The following DOK5 variants were observed in gnomAD, a reference collection of about 807,000 sequenced individuals.
The protein encoded by DOK5 is docking protein 5, also known as downstream of tyrosine kinase 5.
Under a neutral mutation model 43.3 loss-of-function variants are expected in DOK5, and 27 were observed. The ratio of observed to expected loss-of-function variants is 0.62; its 90% CI spans 0.46 to 0.86. DOK5 has a LOEUF of 0.86. Among genes scored for constraint, DOK5 ranks in the 40% least tolerant of loss-of-function variants. The pLI is 0.00. For missense variants in DOK5, 373 were observed against 392.9 expected (o/e 0.95, Z 0.43); for synonymous variants, 146 against 140.1 (o/e 1.04, Z -0.30).
intron 6 of DOK5, among the ~76,000 whole-genome samples, chr20:54,635,118 G>A (rs1357518826): frequency 6.6e-6 from 1 of 152,168 alleles, no homozygotes; most frequent in East Asian, 1.9e-4. Flanking sequence ...AGGCAAAACT[G>A]ACCAGCATTA....
intron 6 of DOK5, among the ~76,000 whole-genome samples, chr20:54,618,354 T>A (rs1459088442): frequency 6.6e-6 from 1 of 152,052 alleles, no homozygotes; most frequent in Non-Finnish European, 1.5e-5. Context: ...TTTCCCTTTT[T>A]TTTTTTTGAG....
chr20:54,643,700 A>G (rs1979238350), intron 7 of DOK5, 122 bp downstream of exon 7: 5 of 1,331,096 alleles, frequency 3.8e-6, no homozygotes, highest in Non-Finnish European at 4.0e-6. Flanking sequence ...CAAAGGTAGG[A>G]CCCCCATCAA....
intron 2 of DOK5, among the ~76,000 whole-genome samples, chr20:54,560,680 G>C (rs529187423): frequency 6.6e-6 from 1 of 152,204 alleles, no homozygotes; most frequent in Non-Finnish European, 1.5e-5. Context: ...GAGCGCAATG[G>C]CACGATCTCG....
At chr20:54,532,407 C>T (rs1362839513) in intron 1 of DOK5, among the ~76,000 whole-genome samples, 3 of 152,096 alleles carry the variant, frequency 2.0e-5, no homozygotes, top group Non-Finnish European at 2.9e-5. Flanking sequence ...TTTCCTAGAA[C>T]AAGTAACATG....
At chr20:54,601,721 A>G (rs530870197) in intron 5 of DOK5, among the ~76,000 whole-genome samples, 1 of 152,322 alleles carries the variant, frequency 6.6e-6, no homozygotes, top group East Asian at 1.9e-4. Context: ...CACAGTCTGC[A>G]CTGGGGCCTT....
At position 54,589,547 on chromosome 20, in the gene DOK5, G is replaced by A. The variant is rs138619564; in HGVS notation, c.409+741G>A. On this transcript the variant is annotated intron_variant, in intron 4 of 7. Transcript: ENST00000262593. ...ATTTACAGAACAAACCTGGATGTGAGGAATCATTCCTTTGTCTCCTAACAG... is the reference window on the plus strand; with the variant it reads ...ATTTACAGAACAAACCTGGATGTGAAGAATCATTCCTTTGTCTCCTAACAG... Among the ~76,000 whole-genome samples, 236 of 152,290 alleles carry A rather than the reference G, an allele frequency of 1.5e-3. 2 individuals carry two copies. Among genetic ancestry groups the A allele is most frequent in the Non-Finnish European group, 2.2e-3 (151 of 68,018 alleles).
chr20:54,480,011 C>T (rs964323188), intron 1 of DOK5, among the ~76,000 whole-genome samples: 3 of 152,070 alleles, frequency 2.0e-5, no homozygotes, highest in Non-Finnish European at 4.4e-5. Flanking sequence ...GAACCCTCCT[C>T]ATCTCCTCCC....
chr20:54,544,952 A>G (rs1452457497), intron 1 of DOK5, among the ~76,000 whole-genome samples: 1 of 152,230 alleles, frequency 6.6e-6, no homozygotes, highest in Non-Finnish European at 1.5e-5. Context: ...CTTTATGCCT[A>G]CATCTTAGCA....
chr20:54,503,801 A>T (rs1419663842), intron 1 of DOK5, among the ~76,000 whole-genome samples: 1 of 152,124 alleles, frequency 6.6e-6, no homozygotes, highest in Non-Finnish European at 1.5e-5. Context: ...TAGTGCTGAA[A>T]CCTGACATCA....
chr20:54,492,914 G>A (rs938528907), intron 1 of DOK5, among the ~76,000 whole-genome samples: 1 of 151,846 alleles, frequency 6.6e-6, no homozygotes, highest in Non-Finnish European at 1.5e-5. Context: ...AGTTAGCCAG[G>A]AGTGGTGGCG....
At chr20:54,615,597 G>C (rs1986783639) in intron 6 of DOK5, among the ~76,000 whole-genome samples, 3 of 152,140 alleles carry the variant, frequency 2.0e-5, no homozygotes, top group Admixed American at 2.0e-4. Flanking sequence ...AAAGATGTTT[G>C]TGGCCTTGAG....
At chr20:54,564,720 G>C (rs1985035751) in intron 2 of DOK5, among the ~76,000 whole-genome samples, 1 of 152,218 alleles carries the variant, frequency 6.6e-6, no homozygotes, top group South Asian at 2.1e-4. Context: ...GGGGGCAGGA[G>C]TCACAAACGT....
intron 2 of DOK5, among the ~76,000 whole-genome samples, chr20:54,563,475 C>T (rs1364173830): frequency 1.3e-5 from 2 of 152,038 alleles, no homozygotes; most frequent in Non-Finnish European, 2.9e-5. Context: ...TTTCTTCTTC[C>T]TTACAAATTG....
intron 6 of DOK5, among the ~76,000 whole-genome samples, chr20:54,619,357 C>T (rs1020857715): frequency 6.6e-6 from 1 of 151,820 alleles, no homozygotes; most frequent in Non-Finnish European, 1.5e-5. Flanking sequence ...CAGGCACTCC[C>T]CTGAGCAGCT....
intron 1 of DOK5, among the ~76,000 whole-genome samples, chr20:54,510,090 C>T (rs1212443021): frequency 1.3e-5 from 2 of 152,142 alleles, no homozygotes; most frequent in African/African-American, 4.8e-5. Flanking sequence ...GCACATCCTG[C>T]ACATGTACCG....
At chr20:54,594,168 A>G (rs1191712084) in intron 5 of DOK5, among the ~76,000 whole-genome samples, 1 of 152,230 alleles carries the variant, frequency 6.6e-6, no homozygotes, top group Non-Finnish European at 1.5e-5. Flanking sequence ...AGTTTTTTAA[A>G]AAAGAAAATA....
intron 5 of DOK5, among the ~76,000 whole-genome samples, chr20:54,608,436 G>A (rs1172828203): frequency 6.6e-6 from 1 of 152,182 alleles, no homozygotes; most frequent in Non-Finnish European, 1.5e-5. Context: ...ATAGAGTCAA[G>A]TTTGTATGGC....
intron 6 of DOK5, among the ~76,000 whole-genome samples, chr20:54,618,313 A>T (rs1986876466): frequency 6.6e-6 from 1 of 150,530 alleles, no homozygotes; most frequent in South Asian, 2.1e-4. Context: ...TTATGTCCCC[A>T]CTGAGCATGG....
intron 2 of DOK5, among the ~76,000 whole-genome samples, chr20:54,557,922 G>A (rs912382631): frequency 1.3e-5 from 2 of 152,158 alleles, no homozygotes; most frequent in Non-Finnish European, 2.9e-5. Flanking sequence ...ATAAAATACG[G>A]TCTACAAAGA....
Sources: gnomAD v4.1 joint callset for allele counts (sites outside exome capture counted in the v4.1 genomes callset) on GRCh38, gnomAD v4.1.1 for gene constraint, MANE v1.5 for transcripts, NCBI Gene and HGNC (gene_info 2026-07-23, HGNC 2026-07-21) for gene names.